The following ITGAD variants were observed in gnomAD, a reference collection of about 807,000 sequenced individuals.
The protein encoded by ITGAD is integrin subunit alpha D.
ITGAD carries 105 observed loss-of-function variants against 139.0 expected under a neutral mutation model. The ratio of observed to expected loss-of-function variants is 0.76; its 90% confidence interval spans 0.65 to 0.89. The LOEUF is 0.89. ITGAD is among the 40% of genes least tolerant of loss of function. ITGAD has a pLI of 0.00. For synonymous variants in ITGAD, 569 were observed against 598.3 expected (o/e 0.95, Z 0.71); for missense variants, 1,384 against 1,487.3 (o/e 0.93, Z 1.14).
At chr16:31,405,380 C>T (rs1343871990) in intron 7 of ITGAD, among the ~76,000 whole-genome samples, 9 of 152,266 alleles carry the variant, frequency 5.9e-5, no homozygotes, top group Non-Finnish European at 8.8e-5. Context: ...AAAACCCAAA[C>T]GGCAATAATG....
In ITGAD at chr16:31,414,492, C is replaced by A; in HGVS notation, c.2038C>A (p.Pro680Thr). 6.2e-7 allele frequency: 1 copy of A among 1,614,216 alleles called. No individual in the cohort carries two copies. The highest frequency in any genetic ancestry group is 1.1e-5 in the South Asian group (1 of 91,090). ...SSVRFDLALD[P>T]GRLTSRAIFN... ...TGTCAGGTTTGATCTGGCACTGGAC[C>A]CAGGTCGTCTGACTTCTCGTGCCAT... Residue 680 changes from proline (P) to threonine (T), a missense_variant, in exon 17 of 30, where the codon CCA (proline) becomes ACA (threonine). Physicochemically the swap from Pro to Thr is conservative, Grantham distance 38. Transcript: ENST00000389202.
At chr16:31,415,255 G>C (rs1403040635) in intron 18 of ITGAD, among the ~76,000 whole-genome samples, 2 of 152,004 alleles carry the variant, frequency 1.3e-5, no homozygotes, top group Admixed American at 1.3e-4. Flanking sequence ...ACACGAAATG[G>C]TTCCCATATC....
intron 7 of ITGAD, among the ~76,000 whole-genome samples, chr16:31,405,840 G>A (rs1442575353): frequency 6.6e-6 from 1 of 151,816 alleles, no homozygotes; most frequent in African/African-American, 2.4e-5. Context: ...ATGGGGTCTT[G>A]CTTTATTGCC....
Position 31,411,460 on chromosome 16 carries a change from T to C in ITGAD, c.1650T>C (p.Gly550=), listed in dbSNP as rs768404076. Residue 550 remains glycine (G), a synonymous_variant, in exon 14 of 30, where the codon GGT becomes GGC. Transcript: ENST00000389202. ...IGAPGEQENR[G]AVYLFHGASE... is the part of the protein sequence containing the mutation. ...CCCCGGGAGAGCAGGAGAACCGGGG[T>C]GCTGTCTACCTGTTTCACGGAGCCT... 7.4e-6 allele frequency: 12 copies of C among 1,614,014 alleles called. No homozygotes were observed. Among genetic ancestry groups the C allele is most frequent in the Middle Eastern group, 1.7e-4 (1 of 6,060 alleles).
intron 1 of ITGAD, among the ~76,000 whole-genome samples, chr16:31,393,693 G>T (rs750613414): frequency 2.6e-5 from 4 of 151,920 alleles, no homozygotes; most frequent in African/African-American, 9.7e-5. Context: ...AGCCTCCCCC[G>T]GGAGTGGAAG....
rs2081828025 is a variant in ITGAD at position 31,414,440 on chromosome 16, C to T, written c.1997-11C>T. 3 of 1,613,188 alleles carry T rather than the reference C, an allele frequency of 1.9e-6. No homozygotes were observed. In the East Asian group the frequency reaches 6.7e-5, roughly 36 times the overall value. On this transcript the variant is annotated splice_polypyrimidine_tract_variant and intron_variant, in intron 16 of 29. Coordinates refer to ENST00000389202, the MANE Select transcript of ITGAD (RefSeq NM_005353.3). ...CTGCCTTTTCATTTTGCACTCTCCC[C>T]TGCACTTCAGGTGACATCCAAAGCT...
chr16:31,423,992 G>C, intron 27 of ITGAD, 34 bp downstream of exon 27: 1 of 1,611,922 alleles, frequency 6.2e-7, no homozygotes, highest in Non-Finnish European at 8.5e-7. Flanking sequence ...CCCTGCCCCA[G>C]ACTCAGGCAG....
chr16:31,397,852 T>G lies in ITGAD; in HGVS notation c.370T>G (p.Cys124Gly). The G allele has an allele frequency of 6.2e-7, 1 of 1,613,792 alleles. No homozygotes were observed. Among genetic ancestry groups the G allele is most frequent in the Middle Eastern group, 1.6e-4 (1 of 6,062 alleles). ...CGENSYSKGS[C>G]LLLGSRWEII... ...GGAGAACTCATACTCAAAGGGTTCC[T>G]GCCTCCTGCTGGGCTCGCGCTGGGA... Residue 124 changes from cysteine (C) to glycine (G), a missense_variant, in exon 5 of 30, where the codon TGC (cysteine) becomes GGC (glycine). Cys to Gly is a radical substitution (Grantham distance 159). Transcript: ENST00000389202.
intron 5 of ITGAD, among the ~76,000 whole-genome samples, chr16:31,399,925 C>T (rs114943190): frequency 2.6e-5 from 4 of 152,294 alleles, no homozygotes; most frequent in African/African-American, 4.8e-5. Flanking sequence ...TGAGTTCCAT[C>T]GATAGCAAGA....
At chr16:31,416,792 G>C (rs2081899982) in intron 20 of ITGAD, 146 bp downstream of exon 20, 2 of 745,598 alleles carry the variant, frequency 2.7e-6, no homozygotes, top group Admixed American at 3.1e-5. Context: ...CACAGAGAAA[G>C]TGCATAAAGC....
intron 5 of ITGAD, among the ~76,000 whole-genome samples, chr16:31,401,032 G>A (rs1260903148): frequency 6.6e-6 from 1 of 152,178 alleles, no homozygotes; most frequent in Non-Finnish European, 1.5e-5. Context: ...GCCGAGGTGA[G>A]TGGATCGTTA....
chr16:31,405,641 T>C (rs1248746517), intron 7 of ITGAD, among the ~76,000 whole-genome samples: 2 of 41,646 alleles, frequency 4.8e-5, no homozygotes, highest in African/African-American at 1.2e-4. Flanking sequence ...TTTGTTTTCC[T>C]TTTTTTTTTT....
At position 31,412,974 on chromosome 16, in the gene ITGAD, G is replaced by A. The variant is rs767693630; in HGVS notation, c.1838+6G>A. The A allele has an allele frequency of 3.7e-6, 6 of 1,603,644 alleles. No homozygotes were observed. Among genetic ancestry groups the A allele is most frequent in the Non-Finnish European group, 5.1e-6 (6 of 1,174,694 alleles). On this transcript the variant is annotated splice_donor_region_variant and intron_variant, in intron 15 of 29. Coordinates refer to ENST00000389202, the MANE Select transcript of ITGAD (RefSeq NM_005353.3). Reference sequence around the variant, plus strand: ...GGCCAGGTGCTCCTGCTCAGGTAGCGACTCCCCAACATCCTGCCCTCCCGC... The same window carrying A: ...GGCCAGGTGCTCCTGCTCAGGTAGCAACTCCCCAACATCCTGCCCTCCCGC...
At position 31,393,402 on chromosome 16, in the gene ITGAD, C is replaced by T. The variant is rs778548568; in HGVS notation, c.31+11C>T. ...TGCTTCTTCTGAGTGGTAAGTGGGGCCAGGGTGCTGGGGAGAAGCTTGGAG... is the reference window on the plus strand; with the variant it reads ...TGCTTCTTCTGAGTGGTAAGTGGGGTCAGGGTGCTGGGGAGAAGCTTGGAG... On this transcript the variant is annotated intron_variant, in intron 1 of 29. Coordinates refer to ENST00000389202, the MANE Select transcript of ITGAD (RefSeq NM_005353.3). The T allele has an allele frequency of 4.3e-5, 69 of 1,613,824 alleles. No individual in the cohort carries two copies. The highest frequency in any genetic ancestry group is 5.5e-5 in the Non-Finnish European group (65 of 1,179,954).
rs1254215027 is a variant in ITGAD at position 31,397,864 on chromosome 16, G to A, written c.382G>A (p.Gly128Ser). The change falls in exon 5 of 30, where the codon GGC becomes AGC. Residue 128 changes from glycine (G) to serine (S), a missense_variant. Gly to Ser is a moderately conservative substitution (Grantham distance 56). Transcript: ENST00000389202. The stretch of plus-strand genomic sequence containing the variant: ...CTCAAAGGGTTCCTGCCTCCTGCTG[G>A]GCTCGCGCTGGGAGATCATCCAGAC... ...SYSKGSCLLL[G>S]SRWEIIQTVP... 1 of 1,613,574 alleles carries A rather than the reference G, an allele frequency of 6.2e-7. No individual in the cohort carries two copies. The highest frequency in any genetic ancestry group is 1.3e-5 in the African/African-American group (1 of 74,920).
chr16:31,424,639 C>T, intron 29 of ITGAD, 62 bp downstream of exon 29: 2 of 1,161,630 alleles, frequency 1.7e-6, no homozygotes, highest in Non-Finnish European at 2.4e-6. Context: ...CTCTTACTGC[C>T]CAGGCTGGAG....
intron 23 of ITGAD, among the ~76,000 whole-genome samples, chr16:31,421,589 A>G (rs1383584965): frequency 1.3e-5 from 2 of 152,050 alleles, no homozygotes; most frequent in Admixed American, 1.3e-4. Flanking sequence ...ACAGAGGAAA[A>G]CCGGCATACT....
intron 10 of ITGAD, among the ~76,000 whole-genome samples, chr16:31,409,637 T>C (rs1394974700): frequency 2.0e-5 from 3 of 152,026 alleles, no homozygotes; most frequent in African/African-American, 7.2e-5. Context: ...CAGCTGGGCA[T>C]AGTGACTCAC....
chr16:31,417,430 G>T (rs113902467), intron 20 of ITGAD, among the ~76,000 whole-genome samples: 17 of 151,652 alleles, frequency 1.1e-4, no homozygotes, highest in African/African-American at 3.9e-4. Flanking sequence ...TATGAAAATA[G>T]CCCCCTATAT....
Sources: allele counts gnomAD v4.1 joint callset (sites outside exome capture counted in the v4.1 genomes callset), GRCh38; gene constraint gnomAD v4.1.1; transcripts MANE v1.5; gene names NCBI Gene and HGNC (gene_info 2026-07-23, HGNC 2026-07-21).